PTPRT: variants seen among roughly 807,000 people sequenced by gnomAD.
PTPRT encodes protein tyrosine phosphatase receptor type T, also known as receptor-type tyrosine-protein phosphatase T.
In PTPRT, 56 loss-of-function variants were observed where a neutral mutation model predicts 176.8. The ratio of observed to expected loss-of-function variants is 0.32; its 90% CI spans 0.26 to 0.40. The LOEUF is 0.40. Among genes scored for constraint, PTPRT ranks in the 10% least tolerant of loss-of-function variants. PTPRT has a pLI of 1.00. For missense variants in PTPRT, 1,540 were observed against 1,908.2 expected (o/e 0.81, Z 3.60); for synonymous variants, 783 against 739.0 (o/e 1.06, Z -0.96).
At chr20:42,714,052 A>G (rs1045115822) in intron 6 of PTPRT, among the ~76,000 whole-genome samples, 2 of 152,196 alleles carry the variant, frequency 1.3e-5, no homozygotes, top group African/African-American at 4.8e-5. Flanking sequence ...ACAACACGGA[A>G]AGAAGTAAGC....
chr20:42,043,706 A>C, the PTPRT span, among the ~76,000 whole-genome samples: 35 of 152,346 alleles, frequency 2.3e-4, no homozygotes, highest in East Asian at 6.6e-3. Context: ...TTTCAGGATT[A>C]ATTTGCTATC....
chr20:43,132,301 T>TA (rs1391353874), intron 1 of PTPRT, among the ~76,000 whole-genome samples: 2 of 152,204 alleles, frequency 1.3e-5, no homozygotes, highest in African/African-American at 2.4e-5. Flanking sequence ...AGGTGGATTT[T>TA]AAAAAAACAT....
At chr20:42,520,840 TGTAG>T (rs1011211242) in intron 7 of PTPRT, among the ~76,000 whole-genome samples, 1 of 124,244 alleles carries the variant, frequency 8.0e-6, no homozygotes, top group African/African-American at 3.1e-5. Context: ...TGGGTGTGTG[TGTAG>T]ATAGATAGAT....
intron 1 of PTPRT, among the ~76,000 whole-genome samples, chr20:43,002,931 G>C (rs1984656304): frequency 1.3e-5 from 2 of 150,988 alleles, no homozygotes; most frequent in South Asian, 2.1e-4. Flanking sequence ...CTGGTTCTTT[G>C]AGAAAAAGAA....
chr20:42,448,962 G>A (rs2070779399), intron 8 of PTPRT, among the ~76,000 whole-genome samples: 1 of 152,098 alleles, frequency 6.6e-6, no homozygotes, highest in South Asian at 2.1e-4. Context: ...TGCAGCCCAG[G>A]GGCTGCTGGT....
chr20:42,773,981 T>G (rs73907266), intron 4 of PTPRT, among the ~76,000 whole-genome samples: 23,300 of 152,220 alleles, frequency 0.15, 1,964 homozygotes, highest in Non-Finnish European at 0.16. Flanking sequence ...TCTCCACTTC[T>G]TCCTTCTCAG....
chr20:43,087,990 C>T (rs1568777135), intron 1 of PTPRT, among the ~76,000 whole-genome samples: 1 of 152,190 alleles, frequency 6.6e-6, no homozygotes, highest in East Asian at 1.9e-4. Flanking sequence ...GATGGCTGTA[C>T]TTAACTAAAA....
At chr20:42,496,362 C>T (rs1336277441) in intron 7 of PTPRT, among the ~76,000 whole-genome samples, 2 of 152,250 alleles carry the variant, frequency 1.3e-5, no homozygotes, top group Non-Finnish European at 2.9e-5. Flanking sequence ...TTTCTTCCAC[C>T]TCTTGCTTTA....
chr20:43,012,850 C>T (rs1985195907), intron 1 of PTPRT, among the ~76,000 whole-genome samples: 1 of 151,996 alleles, frequency 6.6e-6, no homozygotes, highest in Admixed American at 6.6e-5. Flanking sequence ...TCTCTTGCCT[C>T]CAGGTGGAAC....
At chr20:42,201,595 G>C (rs1437389499) in intron 15 of PTPRT, among the ~76,000 whole-genome samples, 1 of 151,998 alleles carries the variant, frequency 6.6e-6, no homozygotes, top group Non-Finnish European at 1.5e-5. Context: ...GGGACCAGAG[G>C]AACAAATAGA....
At chr20:42,386,586 T>A (rs2058746697) in intron 9 of PTPRT, among the ~76,000 whole-genome samples, 2 of 152,268 alleles carry the variant, frequency 1.3e-5, no homozygotes, top group Admixed American at 1.3e-4. Context: ...CATACCTTCA[T>A]AACGATCCTG....
intron 9 of PTPRT, among the ~76,000 whole-genome samples, chr20:42,389,736 T>C (rs768468570): frequency 4.5e-4 from 68 of 151,446 alleles, no homozygotes; most frequent in Admixed American, 1.3e-4. Context: ...ATGCTTGTAG[T>C]CCCAGCTACT....
intron 7 of PTPRT, among the ~76,000 whole-genome samples, chr20:42,637,801 G>A (rs556653724): frequency 6.6e-6 from 1 of 152,230 alleles, no homozygotes; most frequent in South Asian, 2.1e-4. Context: ...ATAATTGATT[G>A]AATAAATAAT....
chr20:42,556,899 A>G (rs1040557801), intron 7 of PTPRT, among the ~76,000 whole-genome samples: 1 of 152,190 alleles, frequency 6.6e-6, no homozygotes, highest in Non-Finnish European at 1.5e-5. Context: ...ATGTGCCTTC[A>G]ATCAGAAAGA....
chr20:42,243,727 A>G (rs573587700), intron 14 of PTPRT, among the ~76,000 whole-genome samples: 4 of 152,206 alleles, frequency 2.6e-5, no homozygotes, highest in African/African-American at 4.8e-5. Flanking sequence ...AGAAGGTAGC[A>G]GCATGAGCTC....
intron 2 of PTPRT, among the ~76,000 whole-genome samples, chr20:42,796,387 G>A (rs1388727452): frequency 1.3e-5 from 2 of 152,184 alleles, no homozygotes; most frequent in Non-Finnish European, 2.9e-5. Flanking sequence ...TGAAGTTGTG[G>A]ATTACTTACC....
intron 7 of PTPRT, among the ~76,000 whole-genome samples, chr20:42,559,213 C>T (rs968175595): frequency 1.3e-5 from 2 of 152,126 alleles, no homozygotes; most frequent in Non-Finnish European, 2.9e-5. Context: ...TCCATGCTGC[C>T]TGATCTGTGA....
intron 16 of PTPRT, among the ~76,000 whole-genome samples, chr20:42,180,328 C>A (rs1044084887): frequency 6.6e-6 from 1 of 152,184 alleles, no homozygotes; most frequent in Admixed American, 6.5e-5. Context: ...TAGAGACACT[C>A]TTTCCTGACA....
chr20:42,315,589 T>C, intron 12 of PTPRT, 134 bp downstream of exon 12: 2 of 1,038,398 alleles, frequency 1.9e-6, no homozygotes, highest in Non-Finnish European at 2.8e-6. Context: ...TTTTTTTAAT[T>C]TAAAGGCATG....
Sources: allele counts gnomAD v4.1 joint callset (sites outside exome capture counted in the v4.1 genomes callset), GRCh38; gene constraint gnomAD v4.1.1; transcripts MANE v1.5; gene names NCBI Gene and HGNC (gene_info 2026-07-23, HGNC 2026-07-21).